Variants in PACRG observed in about 807,000 individuals in gnomAD.
PACRG encodes the protein parkin coregulated, also known as parkin coregulated gene protein.
In PACRG, 29 loss-of-function variants were observed where a neutral mutation model predicts 29.7. The observed-to-expected ratio is 0.98, with a 90% CI of 0.73 to 1.33. The LOEUF (loss-of-function observed/expected upper bound fraction) is 1.33. Among genes scored for constraint, PACRG ranks in the 40% most tolerant of loss-of-function variants. The pLI is 0.00. For missense variants in PACRG, 279 were observed against 316.2 expected (o/e 0.88, Z 0.89); for synonymous variants, 116 against 118.7 (o/e 0.98, Z 0.15).
At chr6:163,155,158 G>A (rs1235525787) in intron 4 of PACRG, among the ~76,000 whole-genome samples, 1 of 152,074 alleles carries the variant, frequency 6.6e-6, no homozygotes, top group Non-Finnish European at 1.5e-5. Context: ...ACGTGACTGG[G>A]TCCCCTTTGG....
intron 2 of PACRG, among the ~76,000 whole-genome samples, chr6:162,973,702 T>TA (rs1343412193): frequency 6.6e-6 from 1 of 152,136 alleles, no homozygotes; most frequent in Non-Finnish European, 1.5e-5. Flanking sequence ...AAAGAAGAAC[T>TA]AAAAAAGTGC....
rs554284478 is a variant in PACRG at position 163,264,127 on chromosome 6, G to T, written c.614-50700G>T. Among the ~76,000 whole-genome samples the T allele has an allele frequency of 5.1e-4, 77 of 152,310 alleles. 2 individuals carry two copies. The highest frequency in any genetic ancestry group is 1.7e-3 in the South Asian group (8 of 4,826). ...ACAGTGCAAGATGCAAACTCAAATAGCTGAGAACTCAACTCCTACTGTTAG... is the reference window on the plus strand; with the variant it reads ...ACAGTGCAAGATGCAAACTCAAATATCTGAGAACTCAACTCCTACTGTTAG... On this transcript the variant is annotated intron_variant, in intron 4 of 4. Transcript: ENST00000366888.
chr6:163,285,464 C>T (rs900214997), intron 4 of PACRG, among the ~76,000 whole-genome samples: 7 of 152,150 alleles, frequency 4.6e-5, no homozygotes, highest in African/African-American at 1.4e-4. Context: ...AGAGTGAATC[C>T]CCATGAGGTC....
intron 3 of PACRG, among the ~76,000 whole-genome samples, chr6:163,086,113 T>C (rs1813534902): frequency 2.0e-5 from 3 of 152,200 alleles, no homozygotes; most frequent in Non-Finnish European, 4.4e-5. Flanking sequence ...TTGGTAGACT[T>C]TGAAAGAATA....
At chr6:162,727,779 G>A (rs1779379897), upstream of PACRG, 5 of 1,155,096 alleles carry the variant, frequency 4.3e-6, no homozygotes, top group African/African-American at 1.5e-5. Flanking sequence ...AGGCCTCCCC[G>A]CCCCCGCGCC....
chr6:163,070,881 C>T (rs752031037), intron 3 of PACRG, among the ~76,000 whole-genome samples: 20 of 151,262 alleles, frequency 1.3e-4, no homozygotes, highest in Non-Finnish European at 2.8e-4. Context: ...CCAATGGAAA[C>T]CAAAAAAGAG....
chr6:162,727,694 G>A (rs1283432382), upstream of PACRG: 3 of 1,568,658 alleles, frequency 1.9e-6, no homozygotes, highest in Non-Finnish European at 2.6e-6. Flanking sequence ...GGCGGCTGCG[G>A]GCCAGGAACA....
intron 2 of PACRG, among the ~76,000 whole-genome samples, chr6:162,975,446 A>G (rs909465306): frequency 6.6e-6 from 1 of 152,238 alleles, no homozygotes; most frequent in Non-Finnish European, 1.5e-5. Context: ...TCTTTACCAC[A>G]AATTCCTTGT....
At chr6:163,311,481 G>A (rs961643759) in intron 4 of PACRG, among the ~76,000 whole-genome samples, 1 of 152,094 alleles carries the variant, frequency 6.6e-6, no homozygotes, top group African/African-American at 2.4e-5. Flanking sequence ...ATTTAAAATG[G>A]TGAGTTCAAA....
At chr6:163,069,558 G>A (rs753473742) in intron 3 of PACRG, among the ~76,000 whole-genome samples, 5 of 152,058 alleles carry the variant, frequency 3.3e-5, no homozygotes, top group South Asian at 2.1e-4. Flanking sequence ...TGATCATGCC[G>A]AAGGAAGAAT....
intron 4 of PACRG, among the ~76,000 whole-genome samples, chr6:163,290,156 G>A (rs767869713): frequency 1.3e-5 from 2 of 152,020 alleles, no homozygotes; most frequent in African/African-American, 2.4e-5. Context: ...CACCACGCCC[G>A]GCCTCAGTCC....
chr6:163,198,183 G>C (rs192185856), intron 4 of PACRG, among the ~76,000 whole-genome samples: 2 of 152,318 alleles, frequency 1.3e-5, no homozygotes, highest in African/African-American at 2.4e-5. Context: ...ACTGGAACTA[G>C]TTATTCACTA....
intron 2 of PACRG, among the ~76,000 whole-genome samples, chr6:163,021,460 C>T (rs1417958168): frequency 6.6e-6 from 1 of 152,142 alleles, no homozygotes; most frequent in Non-Finnish European, 1.5e-5. Context: ...TCCTACTGAC[C>T]CTGTAAGGTT....
chr6:163,061,044 C>A (rs1228537765), intron 2 of PACRG, among the ~76,000 whole-genome samples: 2 of 151,982 alleles, frequency 1.3e-5, no homozygotes, highest in Non-Finnish European at 2.9e-5. Flanking sequence ...TTGTTAATCT[C>A]CTACTAATGT....
At chr6:162,920,519 A>G (rs1404240712) in intron 2 of PACRG, among the ~76,000 whole-genome samples, 1 of 152,176 alleles carries the variant, frequency 6.6e-6, no homozygotes, top group Non-Finnish European at 1.5e-5. Flanking sequence ...TGGATGGATG[A>G]GTGTAAGGGA....
intron 1 of PACRG, among the ~76,000 whole-genome samples, chr6:162,738,797 A>G (rs1450249952): frequency 2.6e-5 from 4 of 152,192 alleles, no homozygotes; most frequent in Non-Finnish European, 5.9e-5. Flanking sequence ...AGGTTTCCCC[A>G]TACACTTTGA....
At chr6:163,197,442 T>TCTTTTC in intron 4 of PACRG, among the ~76,000 whole-genome samples, 4 of 133,996 alleles carry the variant, frequency 3.0e-5, no homozygotes, top group African/African-American at 1.2e-4. Flanking sequence ...TTCTTTTTTT[T>TCTTTTC]TTTTTTTTTT....
At chr6:163,253,760 G>C (rs1292118024) in intron 4 of PACRG, among the ~76,000 whole-genome samples, 1 of 152,206 alleles carries the variant, frequency 6.6e-6, no homozygotes, top group Admixed American at 6.5e-5. Flanking sequence ...CCCTCACCAG[G>C]TGCCTCCTTG....
intron 2 of PACRG, among the ~76,000 whole-genome samples, chr6:162,966,416 G>A (rs10945870): frequency 0.53 from 79,719 of 151,656 alleles, 21,851 homozygotes; most frequent in Middle Eastern, 0.69. Flanking sequence ...CTGACACACA[G>A]TAGTCACTCC....
Sources: allele counts gnomAD v4.1 joint callset (sites outside exome capture counted in the v4.1 genomes callset), GRCh38; gene constraint gnomAD v4.1.1; transcripts MANE v1.5; gene names NCBI Gene and HGNC (gene_info 2026-07-23, HGNC 2026-07-21).